The following EIF4E3 variants were observed in gnomAD, a reference collection of about 807,000 sequenced individuals.
EIF4E3 encodes eukaryotic translation initiation factor 4E type 3.
EIF4E3 carries 26 observed loss-of-function variants against 31.7 expected under a neutral mutation model. The observed-to-expected ratio is 0.82, with a 90% CI of 0.60 to 1.14. The LOEUF is 1.14. Ranked by LOEUF, EIF4E3 falls within the 50% of genes most tolerant of loss-of-function variation. The probability of loss-of-function intolerance (pLI) is 0.00; values close to 1 mark genes in which losing one functional copy is unlikely to be tolerated. For synonymous variants in EIF4E3, 128 were observed against 107.7 expected (o/e 1.19, Z -1.17); for missense variants, 304 against 270.9 (o/e 1.12, Z -0.86).
chr3:71,700,611 T>TC (rs1335637819), intron 2 of EIF4E3, among the ~76,000 whole-genome samples: 1 of 92,764 alleles, frequency 1.1e-5, no homozygotes, highest in East Asian at 2.6e-4. Context: ...GAGACTCCGT[T>TC]TAAAAAAAAA....
intron 2 of EIF4E3, 52 bp downstream of exon 2, chr3:71,710,360 A>T (rs2049357767): frequency 6.6e-7 from 1 of 1,525,178 alleles, no homozygotes; most frequent in Non-Finnish European, 8.9e-7. Context: ...TTGGGTGATT[A>T]GGTGTCTGAC....
chr3:71,714,653 C>T (rs529649687), intron 1 of EIF4E3, among the ~76,000 whole-genome samples: 35 of 152,274 alleles, frequency 2.3e-4, no homozygotes, highest in South Asian at 6.2e-4. Context: ...AAAATTGGGC[C>T]GTATCCATAG....
chr3:71,731,482 C>G (rs1427926476), intron 1 of EIF4E3, among the ~76,000 whole-genome samples: 1 of 152,166 alleles, frequency 6.6e-6, no homozygotes, highest in Non-Finnish European at 1.5e-5. Context: ...CAGCTGCACA[C>G]ATCAACTGCC....
chr3:71,745,429 G>A (rs756132118), intron 1 of EIF4E3, among the ~76,000 whole-genome samples: 9 of 152,110 alleles, frequency 5.9e-5, no homozygotes, highest in Non-Finnish European at 5.9e-5. Flanking sequence ...TGTGTCTTAT[G>A]GAACTATGAA....
chr3:71,708,850 G>A (rs2049333277), intron 2 of EIF4E3, among the ~76,000 whole-genome samples: 1 of 152,180 alleles, frequency 6.6e-6, no homozygotes, highest in Admixed American at 6.5e-5. Context: ...TCTCTGGACA[G>A]TGGTGCTGCC....
rs1483248333 is a variant in EIF4E3 at position 71,682,897 on chromosome 3, T to C, written c.*1785A>G. 1 of 152,576 alleles carries C rather than the reference T, an allele frequency of 6.6e-6. No homozygotes were observed. The highest frequency in any genetic ancestry group is 1.9e-4 in the East Asian group (1 of 5,204). 9.5% of individuals were successfully genotyped at this position (152,576 alleles called of 1,614,324 possible). On this transcript the variant is annotated 3_prime_UTR_variant, in exon 7 of 7. Coordinates refer to ENST00000425534, the MANE Select transcript of EIF4E3 (RefSeq NM_001134651.2). ...GAGTGAAGTCAATTATATCCTTTTTTCAATCAGAAAAATACTTATATTATA... is the reference window on the plus strand; with the variant it reads ...GAGTGAAGTCAATTATATCCTTTTTCCAATCAGAAAAATACTTATATTATA...
intron 2 of EIF4E3, among the ~76,000 whole-genome samples, chr3:71,709,371 T>C (rs1259169173): frequency 6.6e-6 from 1 of 152,188 alleles, no homozygotes; most frequent in Non-Finnish European, 1.5e-5. Context: ...ATGGGATCAA[T>C]TAAATCAATC....
At chr3:71,746,145 C>A (rs533923614) in intron 1 of EIF4E3, among the ~76,000 whole-genome samples, 1 of 152,264 alleles carries the variant, frequency 6.6e-6, no homozygotes, top group South Asian at 2.1e-4. Context: ...AGAATTCAGG[C>A]TTTTGGTCCA....
rs1423895289 is a variant in EIF4E3, at chr3:71,684,367, T to A, written c.*315A>T. Reference sequence around the variant, plus strand: ...AAAGGGGAGTGTAGAAAACAATAATTAGGCTGAATAAGGAATTTTAAACGG... The same window carrying A: ...AAAGGGGAGTGTAGAAAACAATAATAAGGCTGAATAAGGAATTTTAAACGG... On this transcript the variant is annotated 3_prime_UTR_variant, in exon 7 of 7. Coordinates refer to ENST00000425534, the MANE Select transcript of EIF4E3 (RefSeq NM_001134651.2). 1.1e-5 allele frequency: 3 copies of A among 265,578 alleles called. No homozygotes were observed. The East Asian group carries it at 2.2e-4, about 20-fold the overall frequency. The allele number at this position is 265,578 out of a possible 1,614,324, so 16.5% of individuals were successfully genotyped here.
the EIF4E3 span, among the ~76,000 whole-genome samples, chr3:71,669,334 T>C: frequency 6.6e-6 from 1 of 152,118 alleles, no homozygotes; most frequent in African/African-American, 2.4e-5. Flanking sequence ...CAAACCACCA[T>C]GGCACATGTA....
At chr3:71,697,140 C>T (rs1382266549) in intron 3 of EIF4E3, among the ~76,000 whole-genome samples, 3 of 152,170 alleles carry the variant, frequency 2.0e-5, no homozygotes, top group Non-Finnish European at 2.9e-5. Context: ...CTCAGCCTCC[C>T]AAGTAGCTGG....
chr3:71,732,338 C>T (rs2049715138), intron 1 of EIF4E3, among the ~76,000 whole-genome samples: 1 of 152,094 alleles, frequency 6.6e-6, no homozygotes. Flanking sequence ...TCACAGAGTT[C>T]TAGAGACACA....
In EIF4E3 at chr3:71,680,143, TCA is replaced by T. The variant is rs1317991813; in HGVS notation, c.*4537_*4538del. ...CAGTATTAATGGTTTTCTCCAGCCT[TCA>T]TAAGATTGTTGGTATCATACATTGG... On this transcript the variant is annotated 3_prime_UTR_variant, in exon 7 of 7. Coordinates refer to ENST00000425534, the MANE Select transcript of EIF4E3 (RefSeq NM_001134651.2). 1.3e-5 allele frequency: 2 copies of T among 152,192 alleles called. No individual in the cohort carries two copies. Among genetic ancestry groups the T allele is most frequent in the East Asian group, 3.8e-4 (2 of 5,202 alleles). 9.4% of individuals were successfully genotyped at this position (152,192 alleles called of 1,614,324 possible).
upstream of EIF4E3, among the ~76,000 whole-genome samples, chr3:71,730,374 C>T (rs1228623789): frequency 6.6e-6 from 1 of 152,194 alleles, no homozygotes; most frequent in Admixed American, 6.5e-5. Flanking sequence ...CTGCTCTGAG[C>T]CATGTATAAG....
chr3:71,677,785 TAGAC>T lies in EIF4E3; in HGVS notation c.*6893_*6896del, dbSNP rs2048885111. 1 of 152,128 alleles carries T rather than the reference TAGAC, an allele frequency of 6.6e-6. No individual in the cohort carries two copies. The highest frequency in any genetic ancestry group is 2.4e-5 in the African/African-American group (1 of 41,414). The allele number at this position is 152,128 out of a possible 1,614,324, so 9.4% of individuals were successfully genotyped here. A position where few individuals can be genotyped will look rare whatever the true frequency, so the allele number is the denominator to read the frequency against. On this transcript the variant is annotated 3_prime_UTR_variant, in exon 7 of 7. Transcript: ENST00000425534. The stretch of plus-strand genomic sequence containing the variant: ...TTTGTTTGTTTTTAAAGGAATATAT[TAGAC>T]AGCCAGAAAGGAGGAGTAAATTCAC...
At chr3:71,690,678 A>C (rs2049052295) in intron 5 of EIF4E3, among the ~76,000 whole-genome samples, 1 of 152,194 alleles carries the variant, frequency 6.6e-6, no homozygotes, top group Non-Finnish European at 1.5e-5. Context: ...CAGATTGTGC[A>C]TTCTCGACTG....
At chr3:71,731,107 A>C (rs2049701757) in intron 1 of EIF4E3, among the ~76,000 whole-genome samples, 1 of 152,218 alleles carries the variant, frequency 6.6e-6, no homozygotes, top group South Asian at 2.1e-4. Flanking sequence ...GGAGGACTGC[A>C]ACAGCCTCCT....
chr3:71,670,234 T>C, the EIF4E3 span, among the ~76,000 whole-genome samples: 7 of 152,190 alleles, frequency 4.6e-5, no homozygotes, highest in African/African-American at 1.7e-4. Flanking sequence ...AAATGAAACA[T>C]GGTGGCTACA....
chr3:71,701,365 T>C (rs1399905806), intron 2 of EIF4E3, among the ~76,000 whole-genome samples: 1 of 152,138 alleles, frequency 6.6e-6, no homozygotes, highest in East Asian at 1.9e-4. Flanking sequence ...TTTTTAAAGA[T>C]AAGGACACCA....
Sources: gnomAD v4.1 joint callset for allele counts (sites outside exome capture counted in the v4.1 genomes callset) on GRCh38, gnomAD v4.1.1 for gene constraint, MANE v1.5 for transcripts, NCBI Gene and HGNC (gene_info 2026-07-23, HGNC 2026-07-21) for gene names.